Variants in GXYLT1 observed in about 807,000 individuals in gnomAD.
GXYLT1 encodes glycosyltransferase 8 domain containing 3.
In GXYLT1, 29 loss-of-function variants were observed where a neutral mutation model predicts 54.0. That is an observed-to-expected ratio of 0.54 (90% CI 0.40 to 0.73). GXYLT1 has a LOEUF of 0.73. Ranked by LOEUF, GXYLT1 falls within the 30% of genes least tolerant of loss-of-function variation. GXYLT1 has a pLI of 0.00. For synonymous variants in GXYLT1, 176 were observed against 204.1 expected (o/e 0.86, Z 1.17); for missense variants, 490 against 553.4 (o/e 0.89, Z 1.15).
chr12:42,119,553 A>T (rs930875192), intron 2 of GXYLT1, among the ~76,000 whole-genome samples: 2 of 152,174 alleles, frequency 1.3e-5, no homozygotes, highest in African/African-American at 4.8e-5. Flanking sequence ...CAAGTCTGTA[A>T]TCCCAGAGCT....
Position 42,086,393 on chromosome 12 carries a change from C to T in GXYLT1, c.*1393G>A, listed in dbSNP as rs1170991165. 1 of 152,266 alleles carries T rather than the reference C, an allele frequency of 6.6e-6. No homozygotes were observed. The highest frequency in any genetic ancestry group is 1.5e-5 in the Non-Finnish European group (1 of 68,056). The allele number at this position is 152,266 out of a possible 1,614,324, so 9.4% of individuals were successfully genotyped here. On this transcript the variant is annotated 3_prime_UTR_variant, in exon 8 of 8. Transcript: ENST00000398675. ...ATATTCCATGTCTCCACAGAGGTCA[C>T]TGTGTCTTCACAAAGCTAACTGCCA...
chr12:42,130,533 T>TA (rs1168032770), intron 1 of GXYLT1, among the ~76,000 whole-genome samples: 1 of 152,002 alleles, frequency 6.6e-6, no homozygotes, highest in African/African-American at 2.4e-5. Flanking sequence ...GAACATACAT[T>TA]ACTACAGTCA....
chr12:42,095,210 A>C (rs2065349079), intron 7 of GXYLT1, among the ~76,000 whole-genome samples: 1 of 152,182 alleles, frequency 6.6e-6, no homozygotes, highest in African/African-American at 2.4e-5. Flanking sequence ...GAATACAAAC[A>C]ATCCCTATGG....
chr12:42,088,032 T>C, intron 7 of GXYLT1, 85 bp from the exon 8 acceptor site: 1 of 612,028 alleles, frequency 1.6e-6, no homozygotes, highest in Non-Finnish European at 2.7e-6. Context: ...ACTTCTTCAA[T>C]CAGTTTAATA....
rs975467717 is a variant in GXYLT1 at position 42,144,733 on chromosome 12, G to A, written c.-87C>T. On this transcript the variant is annotated 5_prime_UTR_variant, in exon 1 of 8. Transcript: ENST00000398675. ...AGGGAGGGGCACCGCGCAGCCGCGGGCGCAACAAGTTCCTCACCCGCAGCC... is the reference window on the plus strand; with the variant it reads ...AGGGAGGGGCACCGCGCAGCCGCGGACGCAACAAGTTCCTCACCCGCAGCC... The A allele has an allele frequency of 1.9e-6, 2 of 1,075,610 alleles. No individual in the cohort carries two copies. Among genetic ancestry groups the A allele is most frequent in the East Asian group, 3.4e-5 (1 of 29,098 alleles). 66.6% of individuals were successfully genotyped at this position (1,075,610 alleles called of 1,614,324 possible).
chr12:42,135,702 T>C (rs2065615962), intron 1 of GXYLT1, among the ~76,000 whole-genome samples: 1 of 152,160 alleles, frequency 6.6e-6, no homozygotes, highest in South Asian at 2.1e-4. Flanking sequence ...AAAGCCAGAT[T>C]CAAAAGGCCA....
At chr12:42,092,770 T>TG (rs2065336031) in intron 7 of GXYLT1, among the ~76,000 whole-genome samples, 1 of 152,130 alleles carries the variant, frequency 6.6e-6, no homozygotes, top group Non-Finnish European at 1.5e-5. Flanking sequence ...AAAGCAGGGG[T>TG]GTCCAATCTT....
At chr12:42,088,897 A>ACTGCAGTCCGCAGTCCGGCCTGGGCGAC (rs1491321200) in intron 7 of GXYLT1, among the ~76,000 whole-genome samples, 45 of 41,408 alleles carry the variant, frequency 1.1e-3, no homozygotes, top group Middle Eastern at 0.013. Flanking sequence ...GAACCACCCC[A>ACTGCAGTCCGCAGTCCGGCCTGGGCGAC]AGCACACTTA....
In GXYLT1 at chr12:42,100,271, A is replaced by G. The variant is rs572120311; in HGVS notation, c.865-2238T>C. The stretch of plus-strand genomic sequence containing the variant: ...GTTCACATAGTGTGCTACTATGTAA[A>G]TTTTTTCTATGTCCTCAATAAGATT... On this transcript the variant is annotated intron_variant, in intron 5 of 7. Transcript: ENST00000398675. Among the ~76,000 whole-genome samples, 9 of 152,248 alleles carry G rather than the reference A, an allele frequency of 5.9e-5. No homozygotes were observed. In the East Asian group the frequency reaches 1.7e-3, roughly 29 times the overall value.
chr12:42,096,872 G>A (rs2065358746), intron 7 of GXYLT1, among the ~76,000 whole-genome samples: 1 of 151,950 alleles, frequency 6.6e-6, no homozygotes, highest in South Asian at 2.1e-4. Flanking sequence ...GACTATGAGG[G>A]CCTGAGAAGC....
intron 3 of GXYLT1, among the ~76,000 whole-genome samples, chr12:42,118,168 T>C (rs547413347): frequency 6.6e-6 from 1 of 152,252 alleles, no homozygotes; most frequent in Non-Finnish European, 1.5e-5. Context: ...CTGCCACTGC[T>C]GCCAAATTGA....
At chr12:42,138,057 C>A (rs967223246) in intron 1 of GXYLT1, among the ~76,000 whole-genome samples, 1 of 152,106 alleles carries the variant, frequency 6.6e-6, no homozygotes, top group Non-Finnish European at 1.5e-5. Flanking sequence ...CACCTGAGGT[C>A]AGGAGTTCGG....
intron 5 of GXYLT1, among the ~76,000 whole-genome samples, chr12:42,099,008 T>C (rs1460297263): frequency 1.3e-5 from 2 of 151,916 alleles, no homozygotes; most frequent in African/African-American, 2.4e-5. Flanking sequence ...GTCTAGCAGA[T>C]GTATGCAGTC....
Position 42,082,965 on chromosome 12 carries a change from G to A in GXYLT1, c.*4821C>T, listed in dbSNP as rs1395809008. The A allele has an allele frequency of 6.6e-6, 1 of 152,130 alleles. No individual in the cohort carries two copies. Among genetic ancestry groups the A allele is most frequent in the African/African-American group, 2.4e-5 (1 of 41,424 alleles). 9.4% of individuals were successfully genotyped at this position (152,130 alleles called of 1,614,324 possible). A position where few individuals can be genotyped will look rare whatever the true frequency, so the allele number is the denominator to read the frequency against. On this transcript the variant is annotated 3_prime_UTR_variant, in exon 8 of 8. Transcript: ENST00000398675. ...AGGGACCCTCCAAATAGTATTCACA[G>A]TATTAAAGGTGAGATAAATTTTCAT...
chr12:42,104,731 G>T (rs1428072741), intron 5 of GXYLT1, among the ~76,000 whole-genome samples: 2 of 152,136 alleles, frequency 1.3e-5, no homozygotes, highest in Admixed American at 6.6e-5. Flanking sequence ...AATCAGACAT[G>T]TAGAAAGAAT....
At chr12:42,089,413 C>A (rs886264096) in intron 7 of GXYLT1, among the ~76,000 whole-genome samples, 1 of 151,726 alleles carries the variant, frequency 6.6e-6, no homozygotes, top group Non-Finnish European at 1.5e-5. Flanking sequence ...GTGCAGCACA[C>A]CAACATGGCA....
chr12:42,091,105 T>C (rs915976639), intron 7 of GXYLT1, among the ~76,000 whole-genome samples: 3 of 152,180 alleles, frequency 2.0e-5, no homozygotes, highest in African/African-American at 4.8e-5. Context: ...ATACAATTCT[T>C]TTAAAAATTA....
chr12:42,111,888 T>A (rs962790754), intron 3 of GXYLT1, among the ~76,000 whole-genome samples: 1 of 152,194 alleles, frequency 6.6e-6, no homozygotes, highest in African/African-American at 2.4e-5. Flanking sequence ...GGCACCCCAC[T>A]GTAGGGGCGG....
chr12:42,097,409 A>G (rs374180059), intron 7 of GXYLT1, 33 bp downstream of exon 7: 6 of 1,506,372 alleles, frequency 4.0e-6, no homozygotes, highest in Middle Eastern at 4.9e-4. Flanking sequence ...ATTTTCAAAC[A>G]AAAAGTTAAA....
Sources: allele counts gnomAD v4.1 joint callset (sites outside exome capture counted in the v4.1 genomes callset), GRCh38; gene constraint gnomAD v4.1.1; transcripts MANE v1.5; gene names NCBI Gene and HGNC (gene_info 2026-07-23, HGNC 2026-07-21).